Variants in SNX29 observed in about 807,000 individuals in gnomAD.
The protein encoded by SNX29 is sorting nexin-29.
A neutral mutation model predicts 102.1 loss-of-function variants in SNX29; 78 were observed. That is an observed-to-expected ratio of 0.76 (90% confidence interval 0.64 to 0.92). The LOEUF (loss-of-function observed/expected upper bound fraction) is 0.92. Among genes scored for constraint, SNX29 ranks in the 40% least tolerant of loss-of-function variants. SNX29 has a pLI of 0.00. For synonymous variants in SNX29, 580 were observed against 414.5 expected (o/e 1.40, Z -4.85); for missense variants, 1,280 against 1,061.7 (o/e 1.21, Z -2.86).
intron 1 of SNX29, among the ~76,000 whole-genome samples, chr16:11,995,626 T>A (rs13332023): frequency 4.4e-5 from 6 of 135,294 alleles, no homozygotes; most frequent in African/African-American, 1.4e-4. Context: ...TCCAGAATAA[T>A]CAGTAGAGCA....
chr16:12,546,771 A>G (rs916300708), intron 20 of SNX29: 3 of 106,532 alleles, frequency 2.8e-5, no homozygotes, highest in African/African-American at 1.4e-4. Flanking sequence ...GCTACCTTCC[A>G]TGCAACAAAG....
In SNX29 at chr16:12,550,467, G is replaced by A. The variant is rs148527580; in HGVS notation, c.2319-18039G>A. On this transcript the variant is annotated intron_variant, in intron 20 of 20. Coordinates refer to ENST00000566228, the MANE Select transcript of SNX29 (RefSeq NM_032167.5). ...GGAGAATCACTTAAACCCGGGAGGT[G>A]GAGGTTGGAGTGAGCTGACATTGTG... 1.1e-4 allele frequency among the ~76,000 whole-genome samples: 16 copies of A among 152,032 alleles called. No homozygotes were observed. In the East Asian group the frequency reaches 2.9e-3, roughly 27 times the overall value.
intron 18 of SNX29, among the ~76,000 whole-genome samples, chr16:12,472,755 A>G (rs538666748): frequency 6.6e-6 from 1 of 151,722 alleles, no homozygotes; most frequent in South Asian, 2.1e-4. Flanking sequence ...AGGTTTTTGC[A>G]TTTTTTTCTC....
intron 1 of SNX29, among the ~76,000 whole-genome samples, chr16:11,992,883 T>A (rs2055908683): frequency 6.6e-6 from 1 of 152,166 alleles, no homozygotes; most frequent in Admixed American, 6.5e-5. Context: ...TCTGCAGGGC[T>A]GGGCGTGGGG....
chr16:12,145,381 TTTTA>T, intron 13 of SNX29, among the ~76,000 whole-genome samples: 1 of 152,156 alleles, frequency 6.6e-6, no homozygotes. Flanking sequence ...ATTCTGTTTA[TTTTA>T]TTCTGTTGCT....
intron 8 of SNX29, among the ~76,000 whole-genome samples, chr16:12,060,237 G>C (rs1457522168): frequency 6.6e-6 from 1 of 152,122 alleles, no homozygotes; most frequent in Non-Finnish European, 1.5e-5. Context: ...AAGCAATCTA[G>C]AGATGATGTA....
intron 19 of SNX29, among the ~76,000 whole-genome samples, chr16:12,516,866 G>A (rs1342167101): frequency 6.6e-6 from 1 of 152,132 alleles, no homozygotes; most frequent in Non-Finnish European, 1.5e-5. Context: ...AAATACAGGG[G>A]GCGGGGCCTG....
chr16:12,493,303 A>G (rs908478010), intron 19 of SNX29, among the ~76,000 whole-genome samples: 1 of 152,162 alleles, frequency 6.6e-6, no homozygotes, highest in Non-Finnish European at 1.5e-5. Context: ...AGCAATTGTG[A>G]ATGGGAGTTC....
chr16:12,571,960 G>A lies in SNX29; in HGVS notation c.*3331G>A. On this transcript the variant is annotated 3_prime_UTR_variant, in exon 21 of 21. Coordinates refer to ENST00000566228, the MANE Select transcript of SNX29 (RefSeq NM_032167.5). ...CACTTTCAGGGAAGAGGCTCTTACA[G>A]TCTATGGTGGTAGCCATCTTCACAT... is the stretch of plus-strand genomic sequence containing the variant. The A allele has an allele frequency of 2.8e-6, 3 of 1,061,784 alleles. No homozygotes were observed. Among genetic ancestry groups the A allele is most frequent in the Non-Finnish European group, 3.4e-6 (3 of 877,030 alleles). 65.8% of individuals were successfully genotyped at this position (1,061,784 alleles called of 1,614,324 possible). A position where few individuals can be genotyped will look rare whatever the true frequency, so the allele number is the denominator to read the frequency against.
intron 11 of SNX29, chr16:12,095,236 T>G (rs1030741140): frequency 2.0e-5 from 3 of 152,226 alleles, no homozygotes; most frequent in African/African-American, 7.2e-5. Context: ...CACCTCCTTT[T>G]TAACAACAAA....
chr16:12,292,622 C>G (rs1250180560), intron 15 of SNX29, among the ~76,000 whole-genome samples: 3 of 152,210 alleles, frequency 2.0e-5, no homozygotes, highest in Non-Finnish European at 4.4e-5. Flanking sequence ...AGAAGACTTT[C>G]AGCTTGAATG....
At chr16:12,518,291 C>T (rs1160195258) in intron 19 of SNX29, among the ~76,000 whole-genome samples, 1 of 152,170 alleles carries the variant, frequency 6.6e-6, no homozygotes, top group Non-Finnish European at 1.5e-5. Context: ...GTCTACGTGG[C>T]TCTGCACGGT....
intron 13 of SNX29, among the ~76,000 whole-genome samples, chr16:12,196,728 C>T (rs949962049): frequency 1.4e-5 from 2 of 147,782 alleles, no homozygotes; most frequent in African/African-American, 2.5e-5. Context: ...TCAAGCAATT[C>T]TTCTGCCTCA....
chr16:12,112,413 G>C (rs2053535505), intron 11 of SNX29, among the ~76,000 whole-genome samples: 1 of 152,192 alleles, frequency 6.6e-6, no homozygotes, highest in African/African-American at 2.4e-5. Flanking sequence ...TCTCTGCGTG[G>C]CTGCTGAGGT....
chr16:12,059,141 C>G (rs1462016913), intron 8 of SNX29, among the ~76,000 whole-genome samples: 1 of 152,140 alleles, frequency 6.6e-6, no homozygotes, highest in South Asian at 2.1e-4. Context: ...ACCTCATCCT[C>G]TTGGGGCCTG....
chr16:12,247,895 G>A (rs1249206256), intron 14 of SNX29, among the ~76,000 whole-genome samples: 2 of 152,210 alleles, frequency 1.3e-5, no homozygotes, highest in African/African-American at 4.8e-5. Context: ...TTATCCCAGA[G>A]AAAGGAAGAT....
chr16:12,061,711 G>GAGTTC, intron 9 of SNX29, 65 bp downstream of exon 9: 1 of 1,417,568 alleles, frequency 7.1e-7, no homozygotes, highest in South Asian at 1.2e-5. Flanking sequence ...CAGCAGGAAT[G>GAGTTC]TCTGAGTTCC....
chr16:12,403,011 C>T (rs933430220), intron 17 of SNX29, among the ~76,000 whole-genome samples: 9 of 152,140 alleles, frequency 5.9e-5, no homozygotes, highest in Non-Finnish European at 1.0e-4. Flanking sequence ...GAGGAGGCAG[C>T]GTGACTGCTG....
At chr16:12,451,200 C>T (rs1337463626) in intron 18 of SNX29, among the ~76,000 whole-genome samples, 1 of 152,230 alleles carries the variant, frequency 6.6e-6, no homozygotes, top group Non-Finnish European at 1.5e-5. Context: ...TCATTACTGC[C>T]AACCACATTC....
Sources: gnomAD v4.1 joint callset for allele counts (sites outside exome capture counted in the v4.1 genomes callset) on GRCh38, gnomAD v4.1.1 for gene constraint, MANE v1.5 for transcripts, NCBI Gene and HGNC (gene_info 2026-07-23, HGNC 2026-07-21) for gene names.